SH3PXD2B: variants seen among roughly 807,000 people sequenced by gnomAD.
SH3PXD2B encodes the protein SH3 and PX domains 2B.
Under a neutral mutation model 73.1 loss-of-function variants are expected in SH3PXD2B, and 37 were observed. That is an observed-to-expected ratio of 0.51 (90% CI 0.39 to 0.67). The LOEUF (loss-of-function observed/expected upper bound fraction) is 0.67. SH3PXD2B is among the 30% of genes least tolerant of loss of function. The probability of loss-of-function intolerance (pLI) is 0.00; values close to 1 mark genes in which losing one functional copy is unlikely to be tolerated. For missense variants in SH3PXD2B, 1,053 were observed against 1,197.8 expected (o/e 0.88, Z 1.78); for synonymous variants, 457 against 480.5 (o/e 0.95, Z 0.64).
At chr5:172,374,420 G>A (rs1011127906) in intron 5 of SH3PXD2B, among the ~76,000 whole-genome samples, 2 of 152,202 alleles carry the variant, frequency 1.3e-5, no homozygotes. Flanking sequence ...GGTGCTTCAC[G>A]CCTGTAATCC....
At chr5:172,417,969 G>C (rs1333346386) in intron 2 of SH3PXD2B, among the ~76,000 whole-genome samples, 1 of 152,126 alleles carries the variant, frequency 6.6e-6, no homozygotes, top group Non-Finnish European at 1.5e-5. Flanking sequence ...CCTAGCCTCT[G>C]GCAGCCACGA....
At chr5:172,327,303 T>C (rs1436661337) in intron 12 of SH3PXD2B, among the ~76,000 whole-genome samples, 1 of 152,236 alleles carries the variant, frequency 6.6e-6, no homozygotes, top group Admixed American at 6.5e-5. Flanking sequence ...CTATTGTCCC[T>C]ATTTTATAAA....
At chr5:172,438,858 C>T (rs749706622) in intron 1 of SH3PXD2B, among the ~76,000 whole-genome samples, 1 of 151,710 alleles carries the variant, frequency 6.6e-6, no homozygotes, top group African/African-American at 2.4e-5. Flanking sequence ...CAAAATTTTA[C>T]TGCGTTACAC....
chr5:172,441,644 C>T (rs572462177), intron 1 of SH3PXD2B, among the ~76,000 whole-genome samples: 48 of 152,236 alleles, frequency 3.2e-4, no homozygotes, highest in South Asian at 8.3e-4. Flanking sequence ...GGTGAGGTAA[C>T]GGAAGGGTTG....
Position 172,355,605 on chromosome 5 carries a change from C to T in SH3PXD2B, c.668-1600G>A, listed in dbSNP as rs550277047. Among the ~76,000 whole-genome samples the T allele has an allele frequency of 4.6e-5, 7 of 151,188 alleles. No homozygotes were observed. The East Asian group carries it at 9.8e-4, about 21-fold the overall frequency. ...TGTCGCCCAGGCTGGAGTGCAGTGG[C>T]GCGATCTCCACTCACTGCAAACTCC... On this transcript the variant is annotated intron_variant, in intron 8 of 12. Coordinates refer to ENST00000311601, the MANE Select transcript of SH3PXD2B (RefSeq NM_001017995.3).
At position 172,325,208 on chromosome 5, in the gene SH3PXD2B, C is replaced by CA. The variant is rs111903822; in HGVS notation, c.*67dup. The CA allele has an allele frequency of 6.5e-3, 7,417 of 1,145,252 alleles. 38 individuals are homozygous for CA. The highest frequency in any genetic ancestry group is 0.028 in the African/African-American group (1,803 of 63,514). The allele number at this position is 1,145,252 out of a possible 1,614,324, so 70.9% of individuals were successfully genotyped here. A position where few individuals can be genotyped will look rare whatever the true frequency, so the allele number is the denominator to read the frequency against. ...TTGTATTACGCATATTTTACCACGA[C>CA]AAAAAAAAATACAGTAAAAGCAGTT... On this transcript the variant is annotated 3_prime_UTR_variant, in exon 13 of 13. Transcript: ENST00000519643.
intron 1 of SH3PXD2B, among the ~76,000 whole-genome samples, chr5:172,427,024 T>C (rs1439378126): frequency 3.3e-5 from 5 of 152,212 alleles, no homozygotes; most frequent in Admixed American, 1.3e-4. Context: ...ACTTAGTAGC[T>C]TGGTGCCAAG....
intron 12 of SH3PXD2B, among the ~76,000 whole-genome samples, chr5:172,343,932 C>A (rs373016306): frequency 2.0e-5 from 3 of 151,736 alleles, no homozygotes; most frequent in Admixed American, 2.0e-4. Context: ...ATTTACCTAA[C>A]CCCCCTGAGT....
rs142087407 is a variant in SH3PXD2B, at chr5:172,381,923, G to A, written c.401+113C>T. Reference sequence around the variant, plus strand: ...CTAAGTGAAGTGCGGTCTCACAGGGGCTCAGCCGACGAAACCCACTTTTGG... The same window carrying A: ...CTAAGTGAAGTGCGGTCTCACAGGGACTCAGCCGACGAAACCCACTTTTGG... On this transcript the variant is annotated intron_variant, in intron 5 of 12. Coordinates refer to ENST00000311601, the MANE Select transcript of SH3PXD2B (RefSeq NM_001017995.3). 341 of 743,040 alleles carry A rather than the reference G, an allele frequency of 4.6e-4. No homozygotes were observed. In the African/African-American group the frequency reaches 5.2e-3, roughly 11 times the overall value. The allele number at this position is 743,040 out of a possible 1,614,324, so 46.0% of individuals were successfully genotyped here. A position where few individuals can be genotyped will look rare whatever the true frequency, so the allele number is the denominator to read the frequency against.
At chr5:172,375,739 GT>G (rs1757807942) in intron 5 of SH3PXD2B, among the ~76,000 whole-genome samples, 1 of 152,132 alleles carries the variant, frequency 6.6e-6, no homozygotes, top group South Asian at 2.1e-4. Flanking sequence ...ACCACAATTT[GT>G]TTACTCCTCA....
At chr5:172,364,714 C>G (rs1376472300) in intron 6 of SH3PXD2B, among the ~76,000 whole-genome samples, 1 of 152,030 alleles carries the variant, frequency 6.6e-6, no homozygotes, top group African/African-American at 2.4e-5. Context: ...CCAAAACCAC[C>G]CAATTGTGGA....
intron 1 of SH3PXD2B, among the ~76,000 whole-genome samples, chr5:172,429,797 C>T (rs1432035770): frequency 3.3e-5 from 5 of 152,152 alleles, no homozygotes; most frequent in Admixed American, 6.5e-5. Context: ...ACAGCTATGA[C>T]GTGCAGAGCA....
At chr5:172,439,678 G>GCA (rs1378756514) in intron 1 of SH3PXD2B, among the ~76,000 whole-genome samples, 22 of 91,604 alleles carry the variant, frequency 2.4e-4, no homozygotes, top group African/African-American at 1.0e-3. Flanking sequence ...GTGCGTGCGT[G>GCA]CGCGCACGCG....
intron 5 of SH3PXD2B, among the ~76,000 whole-genome samples, chr5:172,374,236 GGGAA>G (rs1418836208): frequency 6.6e-6 from 1 of 152,170 alleles, no homozygotes; most frequent in Non-Finnish European, 1.5e-5. Flanking sequence ...TAAGTGTACA[GGGAA>G]CACATTAAAA....
chr5:172,329,188 C>T (rs1276415125), downstream of SH3PXD2B, among the ~76,000 whole-genome samples: 8 of 147,396 alleles, frequency 5.4e-5, no homozygotes, highest in Admixed American at 4.8e-4. Flanking sequence ...TCAAATGATT[C>T]TCCTGACTCA....
chr5:172,326,960 G>A (rs904735956), intron 12 of SH3PXD2B, among the ~76,000 whole-genome samples: 6 of 150,796 alleles, frequency 4.0e-5, no homozygotes, highest in Non-Finnish European at 7.4e-5. Flanking sequence ...GGGTTCAAGC[G>A]ATTCTCCTGC....
chr5:172,444,478 A>G (rs1759616875), intron 1 of SH3PXD2B, among the ~76,000 whole-genome samples: 1 of 152,234 alleles, frequency 6.6e-6, no homozygotes, highest in African/African-American at 2.4e-5. Context: ...GGATTCAAAG[A>G]CATAAAGCAT....
intron 7 of SH3PXD2B, 86 bp downstream of exon 7, chr5:172,362,649 A>G (rs1757425617): frequency 1.9e-6 from 3 of 1,602,756 alleles, no homozygotes; most frequent in Admixed American, 3.3e-5. Flanking sequence ...TGGACTGGCC[A>G]TTTCAGTTTC....
At position 172,333,663 on chromosome 5, in the gene SH3PXD2B, A is replaced by G. The variant is rs1378068092; in HGVS notation, c.*4706T>C. The G allele has an allele frequency of 7.8e-7, 1 of 1,289,242 alleles. No individual in the cohort carries two copies. Among genetic ancestry groups the G allele is most frequent in the Non-Finnish European group, 1.0e-6 (1 of 988,870 alleles). The allele number at this position is 1,289,242 out of a possible 1,614,324, so 79.9% of individuals were successfully genotyped here. A position where few individuals can be genotyped will look rare whatever the true frequency, so the allele number is the denominator to read the frequency against. ...ATTTATTTAATGTGTTAAAGGAAAC[A>G]AAAACCACCACCGGAATGCCAATTT... is the stretch of plus-strand genomic sequence containing the variant. On this transcript the variant is annotated 3_prime_UTR_variant, in exon 13 of 13. Transcript: ENST00000311601.
Sources: gnomAD v4.1 joint callset for allele counts (sites outside exome capture counted in the v4.1 genomes callset) on GRCh38, gnomAD v4.1.1 for gene constraint, MANE v1.5 for transcripts, NCBI Gene and HGNC (gene_info 2026-07-23, HGNC 2026-07-21) for gene names.